Variants in IGF1 observed in about 807,000 individuals in gnomAD.
IGF1 encodes insulin-like growth factor 1.
Under a neutral mutation model 13.8 loss-of-function variants are expected in IGF1, and 4 were observed. The observed-to-expected ratio is 0.29, with a 90% CI of 0.14 to 0.66. The LOEUF is 0.66. IGF1 is among the 30% of genes least tolerant of loss of function. IGF1 has a pLI of 0.78. For missense variants in IGF1, 124 were observed against 188.5 expected, an observed-to-expected ratio of 0.66 and a Z score of 2.00; for synonymous variants, 76 against 72.6, an observed-to-expected ratio of 1.05 and a Z score of -0.23.
At position 102,398,880 on chromosome 12, in the gene IGF1, A is replaced by G. The variant is rs777312531; in HGVS notation, c.*3627T>C. ...CTGGCCAAACAATAAATGGGAAAGC[A>G]AAATGTGCTACATCTTTTATTCTAA... is the stretch of plus-strand genomic sequence containing the variant. On this transcript the variant is annotated 3_prime_UTR_variant, in exon 4 of 4. Coordinates refer to ENST00000337514, the MANE Select transcript of IGF1 (RefSeq NM_000618.5). The G allele has an allele frequency of 3.3e-5, 5 of 152,568 alleles. No individual in the cohort carries two copies. Among genetic ancestry groups the G allele is most frequent in the Admixed American group, 6.6e-5 (1 of 15,264 alleles). 9.5% of individuals were successfully genotyped at this position (152,568 alleles called of 1,614,324 possible). A position where few individuals can be genotyped will look rare whatever the true frequency, so the allele number is the denominator to read the frequency against.
At chr12:102,410,213 G>T (rs943558264) in intron 3 of IGF1, among the ~76,000 whole-genome samples, 1 of 152,080 alleles carries the variant, frequency 6.6e-6, no homozygotes, top group Non-Finnish European at 1.5e-5. Context: ...AAAAAAAAAT[G>T]CCAAGGGTAG....
chr12:102,423,094 T>C (rs1201714138), intron 2 of IGF1: 1 of 152,066 alleles, frequency 6.6e-6, no homozygotes, highest in South Asian at 2.1e-4. Context: ...AGTGAAGAGA[T>C]GAAGGAGAAA....
In IGF1 at chr12:102,399,286, G is replaced by C. The variant is rs962782509; in HGVS notation, c.*3221C>G. ...ATACTTTAATATTATTTGGGGAAGA[G>C]AGAACAGAAATTTGACCTAAGTATC... is the stretch of plus-strand genomic sequence containing the variant. On this transcript the variant is annotated 3_prime_UTR_variant, in exon 4 of 4. Coordinates refer to ENST00000337514, the MANE Select transcript of IGF1 (RefSeq NM_000618.5). The C allele has an allele frequency of 2.6e-5, 4 of 152,472 alleles. No individual in the cohort carries two copies. The highest frequency in any genetic ancestry group is 7.2e-5 in the African/African-American group (3 of 41,390). 9.4% of individuals were successfully genotyped at this position (152,472 alleles called of 1,614,324 possible).
intron 2 of IGF1, among the ~76,000 whole-genome samples, chr12:102,432,636 T>G (rs550632659): frequency 6.6e-6 from 1 of 152,320 alleles, no homozygotes; most frequent in Middle Eastern, 3.4e-3. Context: ...TTTCAATTAC[T>G]AGTGCAGTTT....
chr12:102,419,048 A>G (rs1300628795), intron 3 of IGF1, among the ~76,000 whole-genome samples: 1 of 152,250 alleles, frequency 6.6e-6, no homozygotes, highest in Non-Finnish European at 1.5e-5. Flanking sequence ...GGCAGACATT[A>G]ACGATGGTCC....
chr12:102,446,062 C>T (rs1405016297), intron 2 of IGF1, among the ~76,000 whole-genome samples: 1 of 152,136 alleles, frequency 6.6e-6, no homozygotes, highest in African/African-American at 2.4e-5. Flanking sequence ...TTGAACCAGC[C>T]TTGCATCCCA....
At chr12:102,414,055 T>C (rs1874877258) in intron 3 of IGF1, among the ~76,000 whole-genome samples, 1 of 152,212 alleles carries the variant, frequency 6.6e-6, no homozygotes, top group Non-Finnish European at 1.5e-5. Flanking sequence ...CTTTTTCACA[T>C]AGCTCCAATT....
intron 2 of IGF1, among the ~76,000 whole-genome samples, chr12:102,444,665 T>G (rs961958406): frequency 1.3e-5 from 2 of 152,030 alleles, no homozygotes; most frequent in Admixed American, 6.5e-5. Context: ...TCAAGTCAAT[T>G]TAAAAACAAC....
intron 2 of IGF1, among the ~76,000 whole-genome samples, chr12:102,441,906 G>GCTGCTGCTGCTGCTGCTGCTGCTGCTT: frequency 1.0e-5 from 1 of 100,292 alleles, no homozygotes; most frequent in African/African-American, 3.9e-5. Context: ...CTATTACACT[G>GCTGCTGCTGCTGCTGCTGCTGCTGCTT]CTTCTTCTCC....
chr12:102,419,113 A>G (rs1339855089), intron 3 of IGF1, among the ~76,000 whole-genome samples: 1 of 152,232 alleles, frequency 6.6e-6, no homozygotes, highest in Non-Finnish European at 1.5e-5. Flanking sequence ...TGCATGAGCT[A>G]CTTAATTTTG....
intron 2 of IGF1, among the ~76,000 whole-genome samples, 155 bp from the exon 3 acceptor site, chr12:102,419,845 C>T (rs988818496): frequency 6.6e-6 from 1 of 152,190 alleles, no homozygotes; most frequent in Non-Finnish European, 1.5e-5. Flanking sequence ...CCTGACCCCA[C>T]GTATCTTTCT....
chr12:102,421,114 C>A (rs1257992383), intron 2 of IGF1, among the ~76,000 whole-genome samples: 2 of 152,186 alleles, frequency 1.3e-5, no homozygotes, highest in Non-Finnish European at 2.9e-5. Flanking sequence ...AAATGCTTTC[C>A]TGATGCTTGG....
At chr12:102,462,093 T>C (rs1879943710) in intron 2 of IGF1, among the ~76,000 whole-genome samples, 1 of 152,194 alleles carries the variant, frequency 6.6e-6, no homozygotes, top group Non-Finnish European at 1.5e-5. Flanking sequence ...TCAGGTTTCT[T>C]TGAGTAGCAA....
At chr12:102,428,486 C>G (rs1449453202) in intron 2 of IGF1, among the ~76,000 whole-genome samples, 2 of 151,838 alleles carry the variant, frequency 1.3e-5, no homozygotes, top group African/African-American at 4.8e-5. Context: ...CAGAAGCCAG[C>G]TCAAGGTAGG....
Position 102,402,419 on chromosome 12 carries a change from G to C in IGF1, c.*88C>G. ...TAAATGTTATCAAACTTATTTTTTG[G>C]TAGGTGTTCCAAAGTTTAACAGGTA... On this transcript the variant is annotated 3_prime_UTR_variant, in exon 4 of 4. Coordinates refer to ENST00000337514, the MANE Select transcript of IGF1 (RefSeq NM_000618.5). The C allele has an allele frequency of 1.3e-6, 1 of 777,152 alleles. No homozygotes were observed. The highest frequency in any genetic ancestry group is 2.4e-6 in the Non-Finnish European group (1 of 416,348). 48.1% of individuals were successfully genotyped at this position (777,152 alleles called of 1,614,324 possible). A position where few individuals can be genotyped will look rare whatever the true frequency, so the allele number is the denominator to read the frequency against.
chr12:102,417,447 T>C, intron 3 of IGF1: 1 of 678,022 alleles, frequency 1.5e-6, no homozygotes. Context: ...AATTCTTCCA[T>C]AACAGATTCA....
rs5742646 is a variant in IGF1 at position 102,443,919 on chromosome 12, C to T, written c.221-24229G>A. ...TTGGCTAACTGCAACCTCTGCCTCC[C>T]GGGGTTCAAGTGATTCTCCTGCCTC... On this transcript the variant is annotated intron_variant, in intron 2 of 3. Coordinates refer to ENST00000337514, the MANE Select transcript of IGF1 (RefSeq NM_000618.5). Among the ~76,000 whole-genome samples the T allele has an allele frequency of 1.7e-4, 26 of 152,062 alleles. No homozygotes were observed. In the East Asian group the frequency reaches 1.7e-3, roughly 10 times the overall value.
upstream of IGF1, among the ~76,000 whole-genome samples, chr12:102,481,087 G>A (rs929950206): frequency 6.6e-6 from 1 of 152,188 alleles, no homozygotes; most frequent in Non-Finnish European, 1.5e-5. Context: ...CCAAGTGAGA[G>A]GTGTGATCTC....
In IGF1 at chr12:102,396,414, C is replaced by T. The variant is rs6219; in HGVS notation, c.*6093G>A. 13,868 of 153,244 alleles carry T rather than the reference C, an allele frequency of 0.09. 662 individuals carry two copies. Among genetic ancestry groups the T allele is most frequent in the East Asian group, 0.17 (880 of 5,242 alleles). The allele number at this position is 153,244 out of a possible 1,614,324, so 9.5% of individuals were successfully genotyped here. Reference sequence around the variant, plus strand: ...ACAGATAAAAGATGTAAGTAGACAGCTTGAGGTTTCAGAGTCCCTCCTGCA... The same window carrying T: ...ACAGATAAAAGATGTAAGTAGACAGTTTGAGGTTTCAGAGTCCCTCCTGCA... On this transcript the variant is annotated 3_prime_UTR_variant, in exon 4 of 4. Transcript: ENST00000337514.
Sources: gnomAD v4.1 joint callset for allele counts (sites outside exome capture counted in the v4.1 genomes callset) on GRCh38, gnomAD v4.1.1 for gene constraint, MANE v1.5 for transcripts, NCBI Gene and HGNC (gene_info 2026-07-23, HGNC 2026-07-21) for gene names.